TRIM2: variants seen among roughly 807,000 people sequenced by gnomAD.
TRIM2 encodes the protein tripartite motif-containing protein 2.
A neutral mutation model predicts 75.2 loss-of-function variants in TRIM2; 20 were observed. The ratio of observed to expected loss-of-function variants is 0.27; its 90% CI spans 0.19 to 0.39. The LOEUF is 0.39. Among genes scored for constraint, TRIM2 ranks in the 10% least tolerant of loss-of-function variants. TRIM2 has a pLI of 1.00. For synonymous variants in TRIM2, 373 were observed against 388.3 expected, an observed-to-expected ratio of 0.96 and a Z score of 0.46; for missense variants, 660 against 990.8, an observed-to-expected ratio of 0.67 and a Z score of 4.48.
At chr4:153,263,303 C>T (rs145945607) in intron 1 of TRIM2, among the ~76,000 whole-genome samples, 8 of 150,972 alleles carry the variant, frequency 5.3e-5, no homozygotes, top group Non-Finnish European at 1.2e-4. Flanking sequence ...CACTGCAGCA[C>T]GGGTGACAGA....
intron 1 of TRIM2, among the ~76,000 whole-genome samples, chr4:153,253,649 A>G (rs1400067648): frequency 6.6e-6 from 1 of 152,178 alleles, no homozygotes; most frequent in Non-Finnish European, 1.5e-5. Flanking sequence ...TCGGCACAAC[A>G]TACAGACCTT....
chr4:153,309,633 C>CTT lies in TRIM2; in HGVS notation c.1511-5835_1511-5834dup, dbSNP rs796269338. The CTT allele has an allele frequency of 8.2e-4, 108 of 131,480 alleles. 2 individuals are homozygous for CTT. Among genetic ancestry groups the CTT allele is most frequent in the African/African-American group, 2.3e-3 (83 of 35,490 alleles). 8.1% of individuals were successfully genotyped at this position (131,480 alleles called of 1,614,324 possible). ...ATCTAGATTTATTTAGCATTAACTT[C>CTT]TTTTTTTTTTTTTTTTTTGAGATGG... On this transcript the variant is annotated intron_variant, in intron 6 of 11. Coordinates refer to ENST00000338700, the MANE Select transcript of TRIM2 (RefSeq NM_015271.5).
At chr4:153,175,007 G>T (rs1300120586) in intron 1 of TRIM2, among the ~76,000 whole-genome samples, 30 of 101,694 alleles carry the variant, frequency 3.0e-4, no homozygotes, top group African/African-American at 1.0e-3. Context: ...TTTTGTTTTT[G>T]TTTTGTTTTG....
chr4:153,267,607 C>T (rs1028421616), intron 1 of TRIM2, among the ~76,000 whole-genome samples: 16 of 151,896 alleles, frequency 1.1e-4, no homozygotes, highest in African/African-American at 3.9e-4. Flanking sequence ...GGCGAGATCG[C>T]GCCACTGCAC....
chr4:153,213,772 C>T (rs571998518), intron 1 of TRIM2, among the ~76,000 whole-genome samples: 6 of 152,228 alleles, frequency 3.9e-5, no homozygotes, highest in Non-Finnish European at 7.4e-5. Context: ...GTGATCCACC[C>T]GCCTCGGCCT....
chr4:153,243,825 C>A (rs998131178), intron 1 of TRIM2, among the ~76,000 whole-genome samples: 3 of 123,952 alleles, frequency 2.4e-5, no homozygotes, highest in Non-Finnish European at 3.3e-5. Context: ...TTTTCCCCCC[C>A]CCCTTGAGAC....
At chr4:153,252,219 G>A (rs184502967) in intron 1 of TRIM2, among the ~76,000 whole-genome samples, 1 of 152,228 alleles carries the variant, frequency 6.6e-6, no homozygotes, top group Non-Finnish European at 1.5e-5. Flanking sequence ...TCTTCTAGTT[G>A]GTTATATCTA....
chr4:153,230,016 A>T (rs1322832070), intron 1 of TRIM2, among the ~76,000 whole-genome samples: 1 of 152,098 alleles, frequency 6.6e-6, no homozygotes, highest in Non-Finnish European at 1.5e-5. Flanking sequence ...GCCGAGGGGG[A>T]CAGGAGTTCA....
At chr4:153,179,098 G>T (rs1275498526) in intron 1 of TRIM2, among the ~76,000 whole-genome samples, 1 of 151,986 alleles carries the variant, frequency 6.6e-6, no homozygotes, top group Non-Finnish European at 1.5e-5. Flanking sequence ...GACTGAGGCT[G>T]GTGAAGGTCA....
intron 6 of TRIM2, among the ~76,000 whole-genome samples, chr4:153,314,065 A>G (rs1766997504): frequency 6.6e-6 from 1 of 152,164 alleles, no homozygotes; most frequent in Admixed American, 6.5e-5. Context: ...TAATATTTAC[A>G]TCATCCTATT....
At chr4:153,281,771 A>C (rs1759393223) in intron 3 of TRIM2, among the ~76,000 whole-genome samples, 2 of 152,244 alleles carry the variant, frequency 1.3e-5, no homozygotes, top group Admixed American at 1.3e-4. Flanking sequence ...AAAGAAAAAG[A>C]AAAATAATGG....
chr4:153,291,861 T>C (rs80034577), intron 3 of TRIM2, among the ~76,000 whole-genome samples: 1,909 of 152,322 alleles, frequency 0.013, 28 homozygotes, highest in African/African-American at 0.044. Flanking sequence ...TTATTCTTCA[T>C]AGTAGCCCTG....
Position 153,177,645 on chromosome 4 carries a change from C to T in TRIM2, c.-49+24375C>T, listed in dbSNP as rs62323666. ...TGGGCAACAGAGCAAGACTCCTTCT[C>T]CAAAAAAAAAAAAATCAGGAGTCCT... On this transcript the variant is annotated intron_variant, in intron 1 of 11. Coordinates refer to the TRIM2 transcript ENST00000437508. Among the ~76,000 whole-genome samples, 9 of 144,754 alleles carry T rather than the reference C, an allele frequency of 6.2e-5. No homozygotes were observed. The South Asian group carries it at 1.9e-3, about 31-fold the overall frequency. The allele number at this position is 144,754 out of a possible 152,430, so 95.0% of individuals were successfully genotyped here.
chr4:153,250,119 T>A (rs1190664736), intron 1 of TRIM2, among the ~76,000 whole-genome samples: 1 of 151,828 alleles, frequency 6.6e-6, no homozygotes. Flanking sequence ...TTTTTTTTTT[T>A]CTTTTCTTTT....
At chr4:153,185,731 G>A (rs1732534023) in intron 1 of TRIM2, among the ~76,000 whole-genome samples, 1 of 152,174 alleles carries the variant, frequency 6.6e-6, no homozygotes, top group Admixed American at 6.5e-5. Context: ...TCTCTGGGGA[G>A]CTTAGGAAGG....
Position 153,275,880 on chromosome 4 carries a change from G to C in TRIM2, c.216-13G>C, listed in dbSNP as rs749531696. The C allele has an allele frequency of 2.5e-6, 4 of 1,612,240 alleles. No individual in the cohort carries two copies. Among genetic ancestry groups the C allele is most frequent in the East Asian group, 2.2e-5 (1 of 44,868 alleles). On this transcript the variant is annotated splice_polypyrimidine_tract_variant and intron_variant, in intron 2 of 11. Coordinates refer to ENST00000338700, the MANE Select transcript of TRIM2 (RefSeq NM_015271.5). ...GCACTGTGCTAAGCTCTCCACCTCT[G>C]CTTCTGCAACAGGTGCCTGCAGAAC...
In TRIM2 at chr4:153,248,547, C is replaced by T. The variant is rs899645927; in HGVS notation, c.31-21788C>T. On this transcript the variant is annotated intron_variant, in intron 1 of 11. Coordinates refer to ENST00000338700, the MANE Select transcript of TRIM2 (RefSeq NM_015271.5). This position sits in a 1 kb window ranked among gnomAD's most constrained non-coding sequence, Gnocchi z 4.0. ...GTTAGGCATGGGGCTGACAGTGACACACTGGATCATTTAATCATCACAATG... is the reference window on the plus strand; with the variant it reads ...GTTAGGCATGGGGCTGACAGTGACATACTGGATCATTTAATCATCACAATG... 2.0e-5 allele frequency among the ~76,000 whole-genome samples: 3 copies of T among 152,296 alleles called. No homozygotes were observed. Among genetic ancestry groups the T allele is most frequent in the Middle Eastern group, 3.4e-3 (1 of 294 alleles).
At chr4:153,310,424 T>G (rs1029798005) in intron 6 of TRIM2, among the ~76,000 whole-genome samples, 1 of 152,242 alleles carries the variant, frequency 6.6e-6, no homozygotes, top group Non-Finnish European at 1.5e-5. Flanking sequence ...CCAAATTATT[T>G]CTAACTTCTG....
At chr4:153,249,786 T>A (rs1380514374) in intron 1 of TRIM2, among the ~76,000 whole-genome samples, 1 of 152,190 alleles carries the variant, frequency 6.6e-6, no homozygotes, top group Non-Finnish European at 1.5e-5. Context: ...TGAATTTAAT[T>A]GTTAAAATGA....
Sources: allele counts gnomAD v4.1 joint callset (sites outside exome capture counted in the v4.1 genomes callset), GRCh38; gene constraint gnomAD v4.1.1; non-coding constraint Gnocchi (gnomAD v3.1); transcripts MANE v1.5; gene names NCBI Gene and HGNC (gene_info 2026-07-23, HGNC 2026-07-21).